The following DBP variants were observed in gnomAD, a reference collection of about 807,000 sequenced individuals.
The protein encoded by DBP is D site-binding protein.
Under a neutral mutation model 21.4 loss-of-function variants are expected in DBP, and 12 were observed. The ratio of observed to expected loss-of-function variants is 0.56; its 90% CI spans 0.36 to 0.91. DBP has a LOEUF of 0.91. DBP is among the 40% of genes least tolerant of loss of function. The probability of loss-of-function intolerance (pLI) is 0.01; values close to 1 mark genes in which losing one functional copy is unlikely to be tolerated. For missense variants in DBP, 423 were observed against 473.4 expected (o/e 0.89, Z 0.99); for synonymous variants, 213 against 224.9 (o/e 0.95, Z 0.47).
chr19:48,634,837 C>T, intron 2 of DBP: 1 of 985,658 alleles, frequency 1.0e-6, no homozygotes, highest in Non-Finnish European at 1.2e-6. Context: ...AAACATCTTT[C>T]CTCTTGCTCT....
intron 2 of DBP, chr19:48,634,707 G>A (rs1411585373): frequency 4.1e-6 from 4 of 985,424 alleles, no homozygotes; most frequent in South Asian, 4.7e-5. Flanking sequence ...ACGTGGCGCA[G>A]GAATGTGCCG....
At chr19:48,635,459 C>T in intron 2 of DBP, 121 bp downstream of exon 2, 2 of 1,478,260 alleles carry the variant, frequency 1.4e-6, no homozygotes, top group Non-Finnish European at 1.8e-6. Context: ...CTCTCGACAA[C>T]TGGACACAGA....
chr19:48,630,634 G>T lies in DBP; in HGVS notation c.*203C>A. 1.3e-6 allele frequency: 2 copies of T among 1,496,538 alleles called. No homozygotes were observed. Among genetic ancestry groups the T allele is most frequent in the Non-Finnish European group, 1.8e-6 (2 of 1,126,516 alleles). The allele number at this position is 1,496,538 out of a possible 1,614,324, so 92.7% of individuals were successfully genotyped here. ...AGGATAGGGTCCCTGACGTGCCGGGGACACACACAGAGAACCCTCCCCGCC... is the reference window on the plus strand; with the variant it reads ...AGGATAGGGTCCCTGACGTGCCGGGTACACACACAGAGAACCCTCCCCGCC... On this transcript the variant is annotated 3_prime_UTR_variant, in exon 4 of 4. Coordinates refer to ENST00000222122, the MANE Select transcript of DBP (RefSeq NM_001352.5). The surrounding 1 kb of genome is among the most constrained non-coding windows in gnomAD (Gnocchi z 4.9).
intron 2 of DBP, 189 bp from the exon 3 acceptor site, chr19:48,633,844 T>G (rs987762787): frequency 3.2e-5 from 19 of 601,334 alleles, no homozygotes; most frequent in Non-Finnish European, 5.9e-6. Flanking sequence ...CTCACGCCTG[T>G]AACCCCAGCA....
chr19:48,631,129 GC>G lies in DBP; in HGVS notation c.763-78del, dbSNP rs1297193899. ...GCGAGAGAGGAAGGGAGCCCCAGCA[GC>G]GGGGCCTAAACCACACCAGGTCTCT... On this transcript the variant is annotated intron_variant, in intron 3 of 3. Coordinates refer to ENST00000222122, the MANE Select transcript of DBP (RefSeq NM_001352.5). 3.6e-5 allele frequency: 49 copies of G among 1,357,230 alleles called. No individual in the cohort carries two copies. The East Asian group carries it at 1.1e-3, about 31-fold the overall frequency. 84.1% of individuals were successfully genotyped at this position (1,357,230 alleles called of 1,614,324 possible).
chr19:48,630,787 G>C lies in DBP; in HGVS notation c.*50C>G, dbSNP rs1373837544. On this transcript the variant is annotated 3_prime_UTR_variant, in exon 4 of 4. Transcript: ENST00000222122. The surrounding 1 kb of genome is among the most constrained non-coding windows in gnomAD (Gnocchi z 4.9). ...AGGGCAGGAAGGGAACAGGGCGTAA[G>C]TCTCAGCAAGGCGGAGGAGAGCTCC... 2 of 1,530,702 alleles carry C rather than the reference G, an allele frequency of 1.3e-6. No homozygotes were observed. The highest frequency in any genetic ancestry group is 1.8e-6 in the Non-Finnish European group (2 of 1,132,690). The allele number at this position is 1,530,702 out of a possible 1,614,324, so 94.8% of individuals were successfully genotyped here.
In DBP at chr19:48,630,555, C is replaced by T; in HGVS notation, c.*282G>A. On this transcript the variant is annotated 3_prime_UTR_variant, in exon 4 of 4. Coordinates refer to ENST00000222122, the MANE Select transcript of DBP (RefSeq NM_001352.5). The surrounding 1 kb of genome is among the most constrained non-coding windows in gnomAD (Gnocchi z 4.9). ...GAGCTGCCCTCTTCTTCCACAACAG[C>T]TGGCTCTGGGGTTCTCAAGATTTAT... The T allele has an allele frequency of 6.5e-7, 1 of 1,535,408 alleles. No homozygotes were observed. Among genetic ancestry groups the T allele is most frequent in the Non-Finnish European group, 8.7e-7 (1 of 1,146,584 alleles).
Position 48,634,100 on chromosome 19 carries a change from C to T in DBP, c.551-445G>A, listed in dbSNP as rs79101694. On this transcript the variant is annotated intron_variant, in intron 2 of 3. Coordinates refer to ENST00000222122, the MANE Select transcript of DBP (RefSeq NM_001352.5). ...CAGCCCGGACAACAGAGCGAGACTCCGTCTCCAAAATAACGAGAAAAATGA... is the reference window on the plus strand; with the variant it reads ...CAGCCCGGACAACAGAGCGAGACTCTGTCTCCAAAATAACGAGAAAAATGA... 1,314 of 171,492 alleles carry T rather than the reference C, an allele frequency of 7.7e-3. 21 individuals are homozygous for T. The highest frequency in any genetic ancestry group is 0.03 in the African/African-American group (1,233 of 41,778). 10.6% of individuals were successfully genotyped at this position (171,492 alleles called of 1,614,324 possible).
At chr19:48,632,714 A>G (rs2030644290) in intron 3 of DBP, 1 of 152,374 alleles carries the variant, frequency 6.6e-6, no homozygotes, top group Non-Finnish European at 1.5e-5. Flanking sequence ...AGAAGCCTGA[A>G]GTCTCCCACC....
intron 3 of DBP, chr19:48,632,733 G>A (rs2030644634): frequency 6.6e-6 from 1 of 152,618 alleles, no homozygotes; most frequent in Non-Finnish European, 1.5e-5. Flanking sequence ...CCAGTGAGAA[G>A]TCCAGGCCCA....
At chr19:48,635,361 A>C in intron 2 of DBP, 1 of 1,357,154 alleles carries the variant, frequency 7.4e-7, no homozygotes, top group Non-Finnish European at 9.5e-7. Flanking sequence ...GCTTCCTGGA[A>C]TTTAGGGTTC....
chr19:48,634,699 G>T (rs2030719234), intron 2 of DBP: 4 of 985,404 alleles, frequency 4.1e-6, no homozygotes, highest in Non-Finnish European at 4.8e-6. Flanking sequence ...GAGGACTCAC[G>T]TGGCGCAGGA....
intron 2 of DBP, 74 bp downstream of exon 2, chr19:48,635,506 C>A: frequency 6.8e-7 from 1 of 1,479,410 alleles, no homozygotes; most frequent in South Asian, 1.2e-5. Flanking sequence ...GTCCCAGCCC[C>A]CAGCGTCGCA....
At chr19:48,633,910 G>T in intron 2 of DBP, 1 of 511,936 alleles carries the variant, frequency 2.0e-6, no homozygotes, top group Non-Finnish European at 3.5e-6. Context: ...GACCAGCATG[G>T]CCAACATGGA....
chr19:48,630,315 C>A lies in DBP; in HGVS notation c.*522G>T, dbSNP rs577447241. ...CGGGTGGGGGCGGGGAAATTCATAT[C>A]CCCTGTTCGTCTCATGCGCGTCCTC... On this transcript the variant is annotated 3_prime_UTR_variant, in exon 4 of 4. Transcript: ENST00000222122. The surrounding 1 kb of genome is among the most constrained non-coding windows in gnomAD (Gnocchi z 4.9). The A allele has an allele frequency of 7.9e-5, 103 of 1,302,180 alleles. 1 individual carries two copies. The South Asian group carries it at 2.2e-3, about 28-fold the overall frequency. The allele number at this position is 1,302,180 out of a possible 1,614,324, so 80.7% of individuals were successfully genotyped here. A position where few individuals can be genotyped will look rare whatever the true frequency, so the allele number is the denominator to read the frequency against.
rs1408915206 is a variant in DBP at position 48,630,177 on chromosome 19, C to A, written c.*660G>T. ...GCCTCAGTGAGTCGGCCGGTCAGGGCCCGCAGCCTCGCCCCATCCACTCCG... is the reference window on the plus strand; with the variant it reads ...GCCTCAGTGAGTCGGCCGGTCAGGGACCGCAGCCTCGCCCCATCCACTCCG... On this transcript the variant is annotated 3_prime_UTR_variant, in exon 4 of 4. Coordinates refer to ENST00000222122, the MANE Select transcript of DBP (RefSeq NM_001352.5). This position sits in a 1 kb window ranked among gnomAD's most constrained non-coding sequence, Gnocchi z 4.9. The A allele has an allele frequency of 8.0e-7, 1 of 1,247,414 alleles. No homozygotes were observed. The highest frequency in any genetic ancestry group is 1.0e-6 in the Non-Finnish European group (1 of 993,904). The allele number at this position is 1,247,414 out of a possible 1,614,324, so 77.3% of individuals were successfully genotyped here.
chr19:48,636,970 T>C lies in DBP; in HGVS notation c.25A>G (p.Thr9Ala), dbSNP rs779883115. MARPVSDR[T>A]PAPLLLGGPA... Reference sequence around the variant, plus strand: ...CCGCCCAGCAGCAGAGGGGCCGGGGTCCTGTCGCTCACAGGCCGCGCCATC... The same window carrying C: ...CCGCCCAGCAGCAGAGGGGCCGGGGCCCTGTCGCTCACAGGCCGCGCCATC... Residue 9 changes from threonine (T) to alanine (A), a missense_variant, in exon 1 of 4, where the codon ACC becomes GCC. Thr to Ala is a moderately conservative substitution (Grantham distance 58). Around this residue, in one of 4 missense-constraint regions of DBP, gnomAD observed 283 missense variants for 273.7 expected, o/e 1.03. Transcript: ENST00000222122. 9.8e-6 allele frequency: 15 copies of C among 1,523,982 alleles called. No homozygotes were observed. In the South Asian group the frequency reaches 1.9e-4, roughly 19 times the overall value. 94.4% of individuals were successfully genotyped at this position (1,523,982 alleles called of 1,614,324 possible).
intron 2 of DBP, chr19:48,635,194 C>T (rs1339877134): frequency 9.1e-7 from 1 of 1,097,464 alleles, no homozygotes; most frequent in African/African-American, 1.7e-5. Context: ...GGCTCCAGTC[C>T]TATCCCAGTT....
At position 48,630,857 on chromosome 19, in the gene DBP, C is replaced by T; in HGVS notation, c.958G>A (p.Ala320Thr). 1 of 1,602,138 alleles carries T rather than the reference C, an allele frequency of 6.2e-7. No homozygotes were observed. Among genetic ancestry groups the T allele is most frequent in the Non-Finnish European group, 8.5e-7 (1 of 1,174,572 alleles). ...CAGCCTCACAGGGCCCCGTGCTGGGCCTGGTATCGGGACAGCACGGCGCGG... is the reference window on the plus strand; with the variant it reads ...CAGCCTCACAGGGCCCCGTGCTGGGTCTGGTATCGGGACAGCACGGCGCGG... Reference protein sequence around the residue: ...HYRAVLSRYQAQHGAL With the variant: ...HYRAVLSRYQTQHGAL Residue 320 changes from alanine to threonine, a missense_variant, in exon 4 of 4, where the codon GCC (alanine) becomes ACC (threonine). Physicochemically the swap from Ala to Thr is moderately conservative, Grantham distance 58 (BLOSUM62 0). This residue lies in a region of DBP where 33 missense variants were observed against 31.7 expected (regional missense o/e 1.04). Coordinates refer to ENST00000222122, the MANE Select transcript of DBP (RefSeq NM_001352.5). The surrounding 1 kb of genome is among the most constrained non-coding windows in gnomAD (Gnocchi z 4.9).
Sources: allele counts gnomAD v4.1 joint callset, GRCh38; gene constraint gnomAD v4.1.1; regional missense constraint gnomAD v4.1.1; non-coding constraint Gnocchi (gnomAD v3.1); transcripts MANE v1.5; gene names NCBI Gene and HGNC (gene_info 2026-07-23, HGNC 2026-07-21).